IMPG1: variants seen among roughly 807,000 people sequenced by gnomAD.
IMPG1 encodes the protein interphotoreceptor matrix proteoglycan of 150 kDa.
In IMPG1, 85 loss-of-function variants were observed where a neutral mutation model predicts 92.0. The ratio of observed to expected loss-of-function variants is 0.92; its 90% confidence interval spans 0.78 to 1.11. The LOEUF (loss-of-function observed/expected upper bound fraction) is 1.11. IMPG1 is among the 50% of genes least tolerant of loss of function. The probability of loss-of-function intolerance (pLI) is 0.00; values close to 1 mark genes in which losing one functional copy is unlikely to be tolerated. For synonymous variants in IMPG1, 367 were observed against 334.1 expected, an observed-to-expected ratio of 1.10 and a Z score of -1.08; for missense variants, 1,022 against 956.0, an observed-to-expected ratio of 1.07 and a Z score of -0.91.
At chr6:75,942,779 A>G (rs764208322) in intron 14 of IMPG1, among the ~76,000 whole-genome samples, 1 of 152,230 alleles carries the variant, frequency 6.6e-6, no homozygotes, top group Non-Finnish European at 1.5e-5. Context: ...TTTAAAAAAG[A>G]GGAAGAAAAT....
chr6:75,977,326 G>T (rs769519315), intron 12 of IMPG1, among the ~76,000 whole-genome samples: 10 of 152,024 alleles, frequency 6.6e-5, no homozygotes, highest in Non-Finnish European at 1.3e-4. Context: ...GGTGGCTCAC[G>T]CCTGTAATCC....
At chr6:75,994,103 T>C (rs1457453677) in intron 12 of IMPG1, among the ~76,000 whole-genome samples, 1 of 152,126 alleles carries the variant, frequency 6.6e-6, no homozygotes, top group East Asian at 1.9e-4. Flanking sequence ...AGGGTCCACT[T>C]GAAGAAACAA....
At chr6:76,022,094 A>T in intron 6 of IMPG1, 22 bp downstream of exon 6, 2 of 1,350,500 alleles carry the variant, frequency 1.5e-6, no homozygotes, top group Non-Finnish European at 2.1e-6. Context: ...GAAGAGCTAG[A>T]TCAACTCTAG....
chr6:76,017,795 C>T (rs1783316558), intron 7 of IMPG1, among the ~76,000 whole-genome samples: 1 of 152,122 alleles, frequency 6.6e-6, no homozygotes, highest in Non-Finnish European at 1.5e-5. Context: ...CTCTTTCACC[C>T]AGGCTGGAGT....
chr6:75,926,887 A>G (rs922946034), intron 15 of IMPG1, among the ~76,000 whole-genome samples: 2 of 152,246 alleles, frequency 1.3e-5, no homozygotes, highest in Non-Finnish European at 1.5e-5. Flanking sequence ...AATGAGAAAC[A>G]ATGACAAGTA....
In IMPG1 at chr6:75,921,485, A is replaced by G. The variant is rs1273309727; in HGVS notation, c.*604T>C. On this transcript the variant is annotated 3_prime_UTR_variant, in exon 17 of 17. Transcript: ENST00000369950. Reference sequence around the variant, plus strand: ...CTCAGTTTCTTTTAAAGAACAATTCAAAGATTATTGGCAACAAAACAGTCT... The same window carrying G: ...CTCAGTTTCTTTTAAAGAACAATTCGAAGATTATTGGCAACAAAACAGTCT... The G allele has an allele frequency of 2.0e-5, 3 of 152,672 alleles. No homozygotes were observed. Among genetic ancestry groups the G allele is most frequent in the Non-Finnish European group, 4.4e-5 (3 of 68,044 alleles). 9.5% of individuals were successfully genotyped at this position (152,672 alleles called of 1,614,324 possible).
intron 4 of IMPG1, among the ~76,000 whole-genome samples, chr6:76,033,820 G>GT (rs1440368320): frequency 6.6e-6 from 1 of 151,684 alleles, no homozygotes; most frequent in Non-Finnish European, 1.5e-5. Context: ...TCTTTATTTT[G>GT]TTTTTTGATT....
At chr6:75,976,272 A>T (rs1582079990) in intron 12 of IMPG1, among the ~76,000 whole-genome samples, 1 of 152,232 alleles carries the variant, frequency 6.6e-6, no homozygotes, top group East Asian at 1.9e-4. Context: ...GTGAATCAAA[A>T]GGCTGAGAGA....
intron 12 of IMPG1, among the ~76,000 whole-genome samples, chr6:75,992,636 C>A (rs1431644221): frequency 6.6e-6 from 1 of 152,186 alleles, no homozygotes; most frequent in Non-Finnish European, 1.5e-5. Context: ...GACAAACTTT[C>A]CCTAAGCCCC....
At chr6:75,970,101 A>G (rs977747617) in intron 12 of IMPG1, among the ~76,000 whole-genome samples, 5 of 152,152 alleles carry the variant, frequency 3.3e-5, no homozygotes, top group Non-Finnish European at 5.9e-5. Flanking sequence ...TGGCACCTTT[A>G]TGTTCTAGAC....
At chr6:75,957,371 A>G (rs1782145256) in intron 12 of IMPG1, among the ~76,000 whole-genome samples, 1 of 152,224 alleles carries the variant, frequency 6.6e-6, no homozygotes. Context: ...GGTGCTGAGA[A>G]GAATGTATAT....
intron 12 of IMPG1, among the ~76,000 whole-genome samples, chr6:75,951,590 G>GA (rs11414728): frequency 0.19 from 28,957 of 152,000 alleles, 2,874 homozygotes; most frequent in Admixed American, 0.24. Flanking sequence ...TATGCAATTG[G>GA]ATTTTTTTGG....
chr6:75,950,798 G>T lies in IMPG1; in HGVS notation c.1588C>A (p.Pro530Thr), dbSNP rs201155813. The T allele has an allele frequency of 1.2e-4, 194 of 1,613,902 alleles. 1 individual carries two copies. In the South Asian group the frequency reaches 1.4e-3, roughly 11 times the overall value. ...TCGCTGAGCTCTGGTACCTCAGATG[G>T]GGCAGGAGTGTCAGACAGATCCATT... Reference protein sequence around the residue: ...DEMDLSDTPAPSEVPELSEYV... With the variant: ...DEMDLSDTPATSEVPELSEYV... The change falls in exon 13 of 17, where the codon CCA becomes ACA. Residue 530 changes from proline to threonine, a missense_variant. By Grantham distance (38) the Pro-to-Thr change is conservative. Transcript: ENST00000369950.
chr6:75,927,531 G>A (rs936928169), intron 15 of IMPG1, among the ~76,000 whole-genome samples: 2 of 152,166 alleles, frequency 1.3e-5, no homozygotes, highest in African/African-American at 4.8e-5. Flanking sequence ...GAGCACTGCT[G>A]TGGTCCCGTT....
intron 4 of IMPG1, 81 bp from the exon 5 acceptor site, chr6:76,025,339 T>C (rs1375445957): frequency 2.7e-6 from 2 of 736,998 alleles, no homozygotes; most frequent in African/African-American, 3.5e-5. Context: ...AAATTTCTTA[T>C]ACTGAGTAAA....
intron 1 of IMPG1, among the ~76,000 whole-genome samples, chr6:76,053,597 A>C (rs1784076743): frequency 6.6e-6 from 1 of 152,176 alleles, no homozygotes; most frequent in African/African-American, 2.4e-5. Context: ...TTCCAGCTGT[A>C]CTGAGGTGCT....
chr6:75,927,718 C>T (rs1781581241), intron 15 of IMPG1, among the ~76,000 whole-genome samples: 1 of 149,530 alleles, frequency 6.7e-6, no homozygotes, highest in South Asian at 2.2e-4. Context: ...AGCATCTTTC[C>T]CTCCCTCCCT....
Position 76,025,215 on chromosome 6 carries a change from C to T in IMPG1, c.541G>A (p.Glu181Lys), listed in dbSNP as rs376595875. 1.9e-5 allele frequency: 31 copies of T among 1,602,728 alleles called. No homozygotes were observed. The highest frequency in any genetic ancestry group is 1.3e-4 in the African/African-American group (10 of 74,662). ...TTACCTGTTGAAATGACAATGGTTTCACCAGGCTCTCCCAATGTCTTCTCT... is the reference window on the plus strand; with the variant it reads ...TTACCTGTTGAAATGACAATGGTTTTACCAGGCTCTCCCAATGTCTTCTCT... ...SAEKTLGEPG[E>K]TIVISTDVAN... The change falls in exon 5 of 17, where the codon GAA becomes AAA. Residue 181 changes from glutamate to lysine, a missense_variant. Glu to Lys is a moderately conservative substitution (Grantham distance 56). This residue lies in a region of IMPG1 where 681 missense variants were observed against 583.6 expected (regional missense o/e 1.17). Coordinates refer to ENST00000369950, the MANE Select transcript of IMPG1 (RefSeq NM_001563.4).
At chr6:76,058,264 G>A (rs1168504828) in intron 1 of IMPG1, among the ~76,000 whole-genome samples, 1 of 152,184 alleles carries the variant, frequency 6.6e-6, no homozygotes, top group Non-Finnish European at 1.5e-5. Context: ...AACAAAGAGA[G>A]TGAGTGTTTG....
Sources: allele counts gnomAD v4.1 joint callset (sites outside exome capture counted in the v4.1 genomes callset), GRCh38; gene constraint gnomAD v4.1.1; regional missense constraint gnomAD v4.1.1; transcripts MANE v1.5; gene names NCBI Gene and HGNC (gene_info 2026-07-23, HGNC 2026-07-21).